The following PC variants were observed in gnomAD, a reference collection of about 807,000 sequenced individuals.
The protein encoded by PC is pyruvate carboxylase.
Under a neutral mutation model 107.8 loss-of-function variants are expected in PC, and 46 were observed. That is an observed-to-expected ratio of 0.43 (90% CI 0.34 to 0.55). The LOEUF is 0.55. PC is among the 20% of genes least tolerant of loss of function. The probability of loss-of-function intolerance (pLI) is 0.04; values close to 1 mark genes in which losing one functional copy is unlikely to be tolerated. For synonymous variants in PC, 662 were observed against 684.7 expected, an observed-to-expected ratio of 0.97 and a Z score of 0.52; for missense variants, 1,241 against 1,643.1, an observed-to-expected ratio of 0.76 and a Z score of 4.23.
chr11:66,906,743 A>G (rs1948177802), intron 3 of PC, among the ~76,000 whole-genome samples: 1 of 152,104 alleles, frequency 6.6e-6, no homozygotes, highest in African/African-American at 2.4e-5. Flanking sequence ...GTTAAAGAAC[A>G]AGAGGCCATT....
At chr11:66,955,619 G>T (rs1949541598) in intron 1 of PC, among the ~76,000 whole-genome samples, 1 of 152,114 alleles carries the variant, frequency 6.6e-6, no homozygotes, top group Admixed American at 6.6e-5. Context: ...AGTGAACAAA[G>T]CCCCTTCCCT....
At chr11:66,874,941 C>T (rs1037104863) in intron 3 of PC, among the ~76,000 whole-genome samples, 2 of 152,230 alleles carry the variant, frequency 1.3e-5, no homozygotes, top group African/African-American at 4.8e-5. Context: ...CGCACAGATC[C>T]GCAGAGAAAG....
chr11:66,925,400 A>C (rs915973657), intron 3 of PC, among the ~76,000 whole-genome samples: 1 of 152,140 alleles, frequency 6.6e-6, no homozygotes, highest in Admixed American at 6.6e-5. Flanking sequence ...TCTCTTTCTC[A>C]GGGATGTTCC....
intron 12 of PC, chr11:66,856,762 C>T (rs1945862343): frequency 6.6e-6 from 1 of 152,180 alleles, no homozygotes; most frequent in Non-Finnish European, 1.5e-5. Context: ...GGCGCTTTGT[C>T]TGGCTGTCTG....
At chr11:66,899,373 C>T (rs955239859) in intron 3 of PC, among the ~76,000 whole-genome samples, 1 of 152,088 alleles carries the variant, frequency 6.6e-6, no homozygotes, top group Non-Finnish European at 1.5e-5. Flanking sequence ...AATGCATATA[C>T]GATGGTGGTC....
At position 66,876,830 on chromosome 11, in the gene PC, C is replaced by T. The variant is rs552302006; in HGVS notation, c.1-4671G>A. On this transcript the variant is annotated intron_variant, in intron 3 of 22. Transcript: ENST00000393960. ...GGCCATGTCAAAAGAGCTCAAGTTA[C>T]CACATAGGGCAAAGTCAGGAAGAGG... 1.4e-4 allele frequency among the ~76,000 whole-genome samples: 21 copies of T among 152,306 alleles called. No individual in the cohort carries two copies. In the South Asian group the frequency reaches 4.4e-3, roughly 32 times the overall value.
chr11:66,888,441 C>T (rs1947451468), intron 3 of PC, among the ~76,000 whole-genome samples: 1 of 152,168 alleles, frequency 6.6e-6, no homozygotes. Flanking sequence ...AAACAAAGGA[C>T]TAAATAAACC....
At chr11:66,912,290 G>C (rs1404446371) in intron 3 of PC, among the ~76,000 whole-genome samples, 2 of 152,184 alleles carry the variant, frequency 1.3e-5, no homozygotes. Context: ...GAACCTCTTG[G>C]TATTGTTATG....
At chr11:66,873,234 G>A (rs1390903733) in intron 3 of PC, among the ~76,000 whole-genome samples, 8 of 146,418 alleles carry the variant, frequency 5.5e-5, no homozygotes, top group African/African-American at 2.0e-4. Context: ...CAGCTACTTG[G>A]GAGGGTGAGG....
chr11:66,936,659 A>G (rs995785048), intron 3 of PC, among the ~76,000 whole-genome samples: 1 of 152,202 alleles, frequency 6.6e-6, no homozygotes, highest in African/African-American at 2.4e-5. Flanking sequence ...AGGCAGGGAG[A>G]ACTAGGCAAC....
chr11:66,850,654 C>T lies in PC; in HGVS notation c.2473+20G>A, dbSNP rs776906176. The T allele has an allele frequency of 3.4e-5, 55 of 1,605,626 alleles. No individual in the cohort carries two copies. The highest frequency in any genetic ancestry group is 4.2e-5 in the Non-Finnish European group (49 of 1,179,584). On this transcript the variant is annotated intron_variant, in intron 18 of 22. Coordinates refer to ENST00000393960, the MANE Select transcript of PC (RefSeq NM_001040716.2). ...TGCGGCTTTGAGAGGGGTGTGGCCA[C>T]GGGCTGCTGTTCTTCCTACCTGTGT...
intron 3 of PC, among the ~76,000 whole-genome samples, chr11:66,904,110 C>T (rs1052256221): frequency 1.3e-5 from 2 of 152,120 alleles, no homozygotes; most frequent in East Asian, 3.9e-4. Context: ...AGGACAAGCA[C>T]ATCTTCATTT....
rs936085291 is a variant in PC, at chr11:66,941,500, CT to C, written c.-1+10929del. The stretch of plus-strand genomic sequence containing the variant: ...ACAACGGAATATCATTCAGCCTTTT[CT>C]TTTTTTTTGAGGCAGAGTCTTGCTC... On this transcript the variant is annotated intron_variant, in intron 3 of 22. Transcript: ENST00000393960. 1.9e-4 allele frequency among the ~76,000 whole-genome samples: 29 copies of C among 151,410 alleles called. 1 individual carries two copies. Among genetic ancestry groups the C allele is most frequent in the African/African-American group, 7.0e-4 (29 of 41,298 alleles).
intron 3 of PC, among the ~76,000 whole-genome samples, chr11:66,883,368 C>G (rs896437): frequency 6.6e-6 from 1 of 152,184 alleles, no homozygotes; most frequent in East Asian, 1.9e-4. Context: ...AGCTTCCTGC[C>G]GACCCTGCAG....
Position 66,848,808 on chromosome 11 carries a change from G to T in PC, c.*91C>A. 6.4e-7 allele frequency: 1 copy of T among 1,557,088 alleles called. No homozygotes were observed. Among genetic ancestry groups the T allele is most frequent in the Non-Finnish European group, 8.8e-7 (1 of 1,133,482 alleles). On this transcript the variant is annotated 3_prime_UTR_variant, in exon 23 of 23. Coordinates refer to ENST00000393960, the MANE Select transcript of PC (RefSeq NM_001040716.2). ...AGGACCTCCACGGCCCGGCCTTCCT[G>T]GCCTCGGGCACTGGCTGGCCTGGGC...
intron 13 of PC, 27 bp downstream of exon 13, chr11:66,853,212 G>T (rs754760643): frequency 6.3e-7 from 1 of 1,587,362 alleles, no homozygotes; most frequent in Admixed American, 1.7e-5. Context: ...GGAGGGGAGG[G>T]CAGGGCAGGG....
intron 3 of PC, among the ~76,000 whole-genome samples, chr11:66,909,701 T>C (rs1292718353): frequency 6.6e-6 from 1 of 151,892 alleles, no homozygotes; most frequent in Admixed American, 6.6e-5. Flanking sequence ...AAACCAAGTG[T>C]GGTGGGAGCC....
chr11:66,852,843 A>T lies in PC; in HGVS notation c.1514-7T>A, dbSNP rs756029505. The T allele has an allele frequency of 1.3e-6, 2 of 1,556,304 alleles. No homozygotes were observed. Among genetic ancestry groups the T allele is most frequent in the South Asian group, 2.4e-5 (2 of 81,934 alleles). ...CCGTTTACCATGACATGGCCTGGGG[A>T]GAAAGCGGGCAGTGGGTCAGGGTGG... On this transcript the variant is annotated splice_polypyrimidine_tract_variant and splice_region_variant and intron_variant, in intron 13 of 22. Transcript: ENST00000393960. The surrounding 1 kb of genome is among the most constrained non-coding windows in gnomAD (Gnocchi z 4.7).
rs1945282228 is a variant in PC at position 66,848,450 on chromosome 11, C to G, written c.*449G>C. ...AGAACGACACAACTGACCTGCCCAC[C>G]CATGGGGAGCTTGAAAGGCAGCCCC... On this transcript the variant is annotated 3_prime_UTR_variant, in exon 23 of 23. Transcript: ENST00000393960. The G allele has an allele frequency of 1.9e-6, 1 of 538,690 alleles. No individual in the cohort carries two copies. Among genetic ancestry groups the G allele is most frequent in the African/African-American group, 1.9e-5 (1 of 52,992 alleles). 33.4% of individuals were successfully genotyped at this position (538,690 alleles called of 1,614,324 possible). A position where few individuals can be genotyped will look rare whatever the true frequency, so the allele number is the denominator to read the frequency against.
Sources: gnomAD v4.1 joint callset for allele counts (sites outside exome capture counted in the v4.1 genomes callset) on GRCh38, gnomAD v4.1.1 for gene constraint, Gnocchi (gnomAD v3.1) non-coding constraint, MANE v1.5 for transcripts, NCBI Gene and HGNC (gene_info 2026-07-23, HGNC 2026-07-21) for gene names.